Variants in FBXW12 observed in about 807,000 individuals in gnomAD.
FBXW12 encodes the protein F-box/WD repeat-containing protein 12.
In FBXW12, 43 loss-of-function variants were observed where a neutral mutation model predicts 55.3. The observed-to-expected ratio is 0.78, with a 90% CI of 0.61 to 1.00. The LOEUF (loss-of-function observed/expected upper bound fraction) is 1.00, where lower values mean the gene tolerates loss of function less well. Ranked by LOEUF, FBXW12 falls within the 50% of genes least tolerant of loss-of-function variation. The pLI, the probability that FBXW12 is intolerant of heterozygous loss-of-function variation, is 0.00. For synonymous variants in FBXW12, 184 were observed against 203.8 expected, an observed-to-expected ratio of 0.90 and a Z score of 0.83; for missense variants, 524 against 560.5, an observed-to-expected ratio of 0.93 and a Z score of 0.66.
rs1041183254 is a variant in FBXW12 at position 48,391,804 on chromosome 3, G to GT, written c.1296-2755dup. Among the ~76,000 whole-genome samples, 12 of 152,114 alleles carry GT rather than the reference G, an allele frequency of 7.9e-5. 1 individual carries two copies. The highest frequency in any genetic ancestry group is 4.1e-4 in the South Asian group (2 of 4,828). Reference sequence around the variant, plus strand: ...GGGAATCATATTTATTGACTTGCATGTGTTGAACCAACCTTGCTCCCAGGA... The same window carrying GT: ...GGGAATCATATTTATTGACTTGCATGTTGTTGAACCAACCTTGCTCCCAGGA... On this transcript the variant is annotated intron_variant, in intron 10 of 10. Transcript: ENST00000296438.
intron 5 of FBXW12, among the ~76,000 whole-genome samples, chr3:48,376,525 C>CAGA (rs2036688886): frequency 6.6e-6 from 1 of 152,076 alleles, no homozygotes; most frequent in Non-Finnish European, 1.5e-5. Context: ...TGGCTTTTGT[C>CAGA]TAATGGTATA....
intron 10 of FBXW12, among the ~76,000 whole-genome samples, chr3:48,388,675 C>T (rs1338593520): frequency 1.3e-5 from 2 of 152,142 alleles, no homozygotes; most frequent in Non-Finnish European, 2.9e-5. Flanking sequence ...TAGATAGAAT[C>T]TGGTTGGGTC....
intron 2 of FBXW12, 150 bp from the exon 3 acceptor site, chr3:48,373,158 T>C (rs2036628163): frequency 8.6e-7 from 1 of 1,167,710 alleles, no homozygotes; most frequent in African/African-American, 1.5e-5. Flanking sequence ...ACCATTTCCT[T>C]ATCTCCCCAC....
intron 8 of FBXW12, among the ~76,000 whole-genome samples, chr3:48,381,253 A>G (rs771975798): frequency 4.3e-4 from 65 of 151,864 alleles, no homozygotes; most frequent in Non-Finnish European, 9.3e-4. Flanking sequence ...CAATCTCCTG[A>G]CCTCATGATC....
chr3:48,385,405 C>T (rs2036835563), intron 10 of FBXW12, among the ~76,000 whole-genome samples: 1 of 149,756 alleles, frequency 6.7e-6, no homozygotes, highest in Admixed American at 6.7e-5. Flanking sequence ...TTTCTTTATC[C>T]ATTCATCCAT....
chr3:48,379,571 C>T lies in FBXW12; in HGVS notation c.774+13C>T. 6.2e-7 allele frequency: 1 copy of T among 1,611,022 alleles called. No individual in the cohort carries two copies. The highest frequency in any genetic ancestry group is 1.3e-5 in the African/African-American group (1 of 74,960). On this transcript the variant is annotated intron_variant, in intron 7 of 10. Coordinates refer to ENST00000296438, the MANE Select transcript of FBXW12 (RefSeq NM_207102.2). ...TACCTTGCCACAGGTAGGTGCTGTTCTGTGTATTTCAATTTCAGGATAGGA... is the reference window on the plus strand; with the variant it reads ...TACCTTGCCACAGGTAGGTGCTGTTTTGTGTATTTCAATTTCAGGATAGGA...
chr3:48,372,974 C>T, intron 2 of FBXW12, 117 bp downstream of exon 2: 2 of 975,974 alleles, frequency 2.0e-6, no homozygotes, highest in Non-Finnish European at 3.3e-6. Flanking sequence ...TAGCATTCTT[C>T]ATACTGAGGG....
intron 8 of FBXW12, 27 bp downstream of exon 8, chr3:48,380,939 T>C: frequency 6.4e-7 from 1 of 1,571,426 alleles, no homozygotes; most frequent in Non-Finnish European, 8.8e-7. Flanking sequence ...TAGAAACGCT[T>C]GTTTCTCTTC....
At position 48,379,418 on chromosome 3, in the gene FBXW12, G is replaced by T; in HGVS notation, c.634G>T (p.Asp212Tyr). 1 of 1,614,162 alleles carries T rather than the reference G, an allele frequency of 6.2e-7. No homozygotes were observed. The highest frequency in any genetic ancestry group is 1.1e-5 in the South Asian group (1 of 91,072). The change falls in exon 7 of 11, where the codon GAC becomes TAC. Residue 212 changes from aspartate (D) to tyrosine (Y), a missense_variant. Physicochemically the swap from Asp to Tyr is radical, Grantham distance 160. Transcript: ENST00000296438. ...PFLMVGDAAG[D>Y]IYTFTLPGLR... ...GTTTCAGGTTGGCGATGCTGCAGGT[G>T]ACATCTACACATTTACACTGCCTGG... is the stretch of plus-strand genomic sequence containing the variant.
In FBXW12 at chr3:48,372,379, G is replaced by A; in HGVS notation, c.-85+59G>A. 4 of 1,531,810 alleles carry A rather than the reference G, an allele frequency of 2.6e-6. No individual in the cohort carries two copies. The South Asian group carries it at 4.8e-5, about 18-fold the overall frequency. 94.9% of individuals were successfully genotyped at this position (1,531,810 alleles called of 1,614,324 possible). A position where few individuals can be genotyped will look rare whatever the true frequency, so the allele number is the denominator to read the frequency against. ...TCCAGGAGTTTGGAACTTAAATAGA[G>A]TCATAGAGACACTCAGATCTGATCA... On this transcript the variant is annotated intron_variant, in intron 1 of 10. Coordinates refer to ENST00000296438, the MANE Select transcript of FBXW12 (RefSeq NM_207102.2).
At chr3:48,389,313 T>G (rs913970210) in intron 10 of FBXW12, among the ~76,000 whole-genome samples, 4 of 152,216 alleles carry the variant, frequency 2.6e-5, no homozygotes, top group Non-Finnish European at 4.4e-5. Flanking sequence ...TGTGAATATT[T>G]TCTACCATTC....
chr3:48,380,022 C>T, intron 7 of FBXW12: 1 of 168,056 alleles, frequency 6.0e-6, no homozygotes, highest in Non-Finnish European at 1.3e-5. Context: ...GGCCAACTGG[C>T]CCAGGTCAGA....
chr3:48,378,706 C>CT (rs1275230163), intron 6 of FBXW12, among the ~76,000 whole-genome samples, 180 bp downstream of exon 6: 2 of 150,082 alleles, frequency 1.3e-5, no homozygotes, highest in Non-Finnish European at 2.9e-5. Flanking sequence ...CCTCTGCCTG[C>CT]TGGGTTCAAG....
At chr3:48,372,920 C>A in intron 2 of FBXW12, 63 bp downstream of exon 2, 2 of 1,463,222 alleles carry the variant, frequency 1.4e-6, no homozygotes, top group Non-Finnish European at 1.9e-6. Flanking sequence ...AGTTTGAGCA[C>A]CACTTTGCAG....
At chr3:48,377,945 T>C (rs2036708346) in intron 5 of FBXW12, among the ~76,000 whole-genome samples, 1 of 152,226 alleles carries the variant, frequency 6.6e-6, no homozygotes, top group African/African-American at 2.4e-5. Context: ...GGGTTCCTAC[T>C]GTGTCCTAGG....
chr3:48,385,308 CCTT>C (rs1490311421), intron 10 of FBXW12, among the ~76,000 whole-genome samples: 11 of 151,546 alleles, frequency 7.3e-5, no homozygotes, highest in Admixed American at 5.9e-4. Flanking sequence ...GACAAGATTC[CCTT>C]CTTTTCTAAG....
intron 10 of FBXW12, among the ~76,000 whole-genome samples, chr3:48,392,798 C>G (rs2036948604): frequency 6.6e-6 from 1 of 152,106 alleles, no homozygotes; most frequent in Non-Finnish European, 1.5e-5. Context: ...TCATTTTGCT[C>G]TGGTTGAGTA....
intron 10 of FBXW12, among the ~76,000 whole-genome samples, chr3:48,386,252 T>C (rs561287909): frequency 6.6e-6 from 1 of 152,348 alleles, no homozygotes; most frequent in South Asian, 2.1e-4. Context: ...GAAGAGCATG[T>C]CCTTTCTCCA....
chr3:48,385,549 A>G (rs1005611230), intron 10 of FBXW12, among the ~76,000 whole-genome samples: 2 of 152,106 alleles, frequency 1.3e-5, no homozygotes, highest in African/African-American at 4.8e-5. Context: ...CAGGAGTGGG[A>G]TTGCTGTATC....
Sources: gnomAD v4.1 joint callset for allele counts (sites outside exome capture counted in the v4.1 genomes callset) on GRCh38, gnomAD v4.1.1 for gene constraint, MANE v1.5 for transcripts, NCBI Gene and HGNC (gene_info 2026-07-23, HGNC 2026-07-21) for gene names.